POU2F3: variants seen among roughly 807,000 people sequenced by gnomAD.
POU2F3 encodes the protein POU domain, class 2, transcription factor 3.
In POU2F3, 23 loss-of-function variants were observed where a neutral mutation model predicts 59.2. That is an observed-to-expected ratio of 0.39 (90% confidence interval 0.28 to 0.55). The LOEUF is 0.55. POU2F3 is among the 20% of genes least tolerant of loss of function. POU2F3 has a pLI of 0.66. For synonymous variants in POU2F3, 190 were observed against 214.6 expected, an observed-to-expected ratio of 0.89 and a Z score of 1.00; for missense variants, 473 against 544.5, an observed-to-expected ratio of 0.87 and a Z score of 1.31.
intron 1 of POU2F3, among the ~76,000 whole-genome samples, chr11:120,241,596 G>C (rs529548117): frequency 2.6e-5 from 4 of 152,328 alleles, no homozygotes; most frequent in African/African-American, 9.6e-5. Flanking sequence ...AGGAAAGTCT[G>C]TTTCTAGACT....
At chr11:120,247,024 A>C (rs1346554968) in intron 2 of POU2F3, among the ~76,000 whole-genome samples, 1 of 152,190 alleles carries the variant, frequency 6.6e-6, no homozygotes, top group Non-Finnish European at 1.5e-5. Flanking sequence ...AAAGGATGTC[A>C]GTAGTCCCAG....
At chr11:120,310,508 G>A (rs181646488) in intron 10 of POU2F3, among the ~76,000 whole-genome samples, 66 of 152,310 alleles carry the variant, frequency 4.3e-4, no homozygotes, top group Admixed American at 3.3e-3. Flanking sequence ...AGAAGCCAGG[G>A]CTGGGAACAA....
intron 12 of POU2F3, among the ~76,000 whole-genome samples, chr11:120,317,629 A>C (rs1368893426): frequency 6.6e-6 from 1 of 152,262 alleles, no homozygotes; most frequent in African/African-American, 2.4e-5. Context: ...TTGAGGGTGG[A>C]AATTTCCAAA....
At chr11:120,239,827 A>G (rs1331374937), upstream of POU2F3, among the ~76,000 whole-genome samples, 1 of 152,196 alleles carries the variant, frequency 6.6e-6, no homozygotes, top group Non-Finnish European at 1.5e-5. Context: ...TGCAGCGCTT[A>G]CACTTCGCGA....
upstream of POU2F3, chr11:120,236,742 T>C (rs116432385): frequency 2.1e-3 from 3,055 of 1,444,554 alleles, 49 homozygotes; most frequent in African/African-American, 0.036. Context: ...TTCTAGCTCA[T>C]CTAACTGAAA....
intron 2 of POU2F3, among the ~76,000 whole-genome samples, chr11:120,260,904 C>T (rs12576457): frequency 6.6e-6 from 1 of 151,706 alleles, no homozygotes; most frequent in African/African-American, 2.4e-5. Flanking sequence ...CCTGTCTTTA[C>T]AATTTTTTTT....
At chr11:120,315,549 C>T (rs1941762675) in intron 11 of POU2F3, 122 bp downstream of exon 11, 1 of 938,028 alleles carries the variant, frequency 1.1e-6, no homozygotes, top group Non-Finnish European at 1.6e-6. Context: ...ATATTAAAAT[C>T]TGTGTTGGGA....
At chr11:120,280,632 AAGAGAG>A (rs5795223) in intron 3 of POU2F3, among the ~76,000 whole-genome samples, 1 of 139,452 alleles carries the variant, frequency 7.2e-6, no homozygotes, top group African/African-American at 2.7e-5. Flanking sequence ...GAGAGAGAAA[AAGAGAG>A]AGAGAGAGAG....
chr11:120,253,229 A>G, intron 2 of POU2F3, among the ~76,000 whole-genome samples: 1 of 151,810 alleles, frequency 6.6e-6, no homozygotes, highest in Non-Finnish European at 1.5e-5. Flanking sequence ...GGGCCCACTG[A>G]TGGAGTGCTT....
At chr11:120,265,238 A>G (rs1292920385) in intron 2 of POU2F3, 1 of 152,050 alleles carries the variant, frequency 6.6e-6, no homozygotes, top group Non-Finnish European at 1.5e-5. Context: ...TGAACCTAAT[A>G]CCTCCAGTAG....
intron 10 of POU2F3, among the ~76,000 whole-genome samples, chr11:120,313,720 AAAC>A (rs1299783818): frequency 2.0e-5 from 3 of 152,206 alleles, no homozygotes; most frequent in Non-Finnish European, 4.4e-5. Context: ...ACTTATTTAA[AAAC>A]AACAACAAAG....
chr11:120,236,777 G>C (rs1591364262), upstream of POU2F3: 1 of 1,382,614 alleles, frequency 7.2e-7, no homozygotes. Context: ...GTCTGAGAGA[G>C]AAGGAATAAA....
chr11:120,249,792 C>T (rs1428087283), intron 2 of POU2F3: 1 of 152,138 alleles, frequency 6.6e-6, no homozygotes, highest in African/African-American at 2.4e-5. Flanking sequence ...TTTACAGCAT[C>T]TCATTTAATT....
At chr11:120,312,186 C>A (rs568276958) in intron 10 of POU2F3, among the ~76,000 whole-genome samples, 2 of 152,168 alleles carry the variant, frequency 1.3e-5, no homozygotes, top group African/African-American at 2.4e-5. Context: ...TGCAATGGTG[C>A]GATCTAGGCT....
intron 2 of POU2F3, among the ~76,000 whole-genome samples, chr11:120,249,236 G>A (rs1162201611): frequency 1.3e-5 from 2 of 152,228 alleles, no homozygotes; most frequent in Non-Finnish European, 2.9e-5. Context: ...CAGCACAAGG[G>A]ACCAGCCAAA....
chr11:120,299,351 G>A (rs1356238356), intron 4 of POU2F3, among the ~76,000 whole-genome samples: 3 of 152,230 alleles, frequency 2.0e-5, no homozygotes, highest in Admixed American at 2.0e-4. Context: ...TGGGAGACAG[G>A]ACTGACACAT....
chr11:120,294,685 T>C (rs1244739432), intron 3 of POU2F3, among the ~76,000 whole-genome samples: 1 of 152,232 alleles, frequency 6.6e-6, no homozygotes, highest in Non-Finnish European at 1.5e-5. Flanking sequence ...TCTGAACCCC[T>C]GAGAGTGTCA....
upstream of POU2F3, chr11:120,240,122 C>G (rs950564811): frequency 8.6e-7 from 1 of 1,167,756 alleles, no homozygotes; most frequent in Non-Finnish European, 1.1e-6. Context: ...CCGCCCCGCG[C>G]CGCGTGCTCA....
In POU2F3 at chr11:120,319,857, A is replaced by G. The variant is rs1003988042; in HGVS notation, c.*1465A>G. 9.8e-5 allele frequency: 15 copies of G among 152,478 alleles called. No homozygotes were observed. The highest frequency in any genetic ancestry group is 3.4e-4 in the African/African-American group (14 of 41,392). The allele number at this position is 152,478 out of a possible 1,614,324, so 9.4% of individuals were successfully genotyped here. ...GCCATTCCAGAAATGGTAACTTAAAAAAAAAAAGACTACATGTCTAGGAAA... is the reference window on the plus strand; with the variant it reads ...GCCATTCCAGAAATGGTAACTTAAAGAAAAAAAGACTACATGTCTAGGAAA... On this transcript the variant is annotated 3_prime_UTR_variant, in exon 13 of 13. Coordinates refer to ENST00000543440, the MANE Select transcript of POU2F3 (RefSeq NM_014352.4).
Sources: allele counts gnomAD v4.1 joint callset (sites outside exome capture counted in the v4.1 genomes callset), GRCh38; gene constraint gnomAD v4.1.1; transcripts MANE v1.5; gene names NCBI Gene and HGNC (gene_info 2026-07-23, HGNC 2026-07-21).